LRRK1: variants seen among roughly 807,000 people sequenced by gnomAD.
The protein encoded by LRRK1 is leucine-rich repeat serine/threonine-protein kinase 1.
A neutral mutation model predicts 209.1 loss-of-function variants in LRRK1; 113 were observed. The observed-to-expected ratio is 0.54, with a 90% CI of 0.46 to 0.63. The LOEUF (loss-of-function observed/expected upper bound fraction) is 0.63. LRRK1 is among the 30% of genes least tolerant of loss of function. The probability of loss-of-function intolerance (pLI) is 0.00; values close to 1 mark genes in which losing one functional copy is unlikely to be tolerated. For missense variants in LRRK1, 2,284 were observed against 2,632.2 expected (o/e 0.87, Z 2.89); for synonymous variants, 1,144 against 1,099.7 (o/e 1.04, Z -0.80).
intron 17 of LRRK1, among the ~76,000 whole-genome samples, chr15:101,026,614 C>A (rs887899399): frequency 1.5e-4 from 23 of 152,214 alleles, no homozygotes; most frequent in African/African-American, 5.1e-4. Flanking sequence ...CAGATAAGTC[C>A]AATTGCCCTG....
At position 100,973,961 on chromosome 15, in the gene LRRK1, G is replaced by A. The variant is rs2031133786; in HGVS notation, c.255G>A (p.Leu85=). Residue 85 remains leucine, a synonymous_variant, in exon 3 of 34, where the codon CTG becomes CTA. Transcript: ENST00000388948. ...CCTGCGACCAGTGCGCGTCCCAGCT[G>A]GAAAAGGTAGGGGAGCGCCTGCCCC... The part of the protein sequence containing the change: ...EEACDQCASQ[L]EKGQLLSIPA... 3.2e-6 allele frequency: 4 copies of A among 1,250,124 alleles called. No homozygotes were observed. Among genetic ancestry groups the A allele is most frequent in the Admixed American group, 4.2e-5 (1 of 23,732 alleles). 77.4% of individuals were successfully genotyped at this position (1,250,124 alleles called of 1,614,324 possible).
chr15:100,962,565 C>A (rs1479111288), intron 2 of LRRK1, among the ~76,000 whole-genome samples: 1 of 151,396 alleles, frequency 6.6e-6, no homozygotes, highest in African/African-American at 2.4e-5. Context: ...AAACTCCAGT[C>A]ATTTCATCTG....
Position 101,026,276 on chromosome 15 carries a change from C to T in LRRK1, c.2405+139C>T, listed in dbSNP as rs141763416. 2.8e-3 allele frequency: 2,282 copies of T among 802,508 alleles called. 8 individuals carry two copies. The highest frequency in any genetic ancestry group is 3.7e-3 in the Non-Finnish European group (1,875 of 511,996). 49.7% of individuals were successfully genotyped at this position (802,508 alleles called of 1,614,324 possible). ...TGGCCAAGGGTGGCCATCCACAGAGCTGACCCAGCCTTGGGGAGGGTGAAG... is the reference window on the plus strand; with the variant it reads ...TGGCCAAGGGTGGCCATCCACAGAGTTGACCCAGCCTTGGGGAGGGTGAAG... On this transcript the variant is annotated intron_variant, in intron 17 of 33. Transcript: ENST00000388948.
chr15:100,921,037 A>C (rs2042012484), intron 1 of LRRK1, among the ~76,000 whole-genome samples: 1 of 151,954 alleles, frequency 6.6e-6, no homozygotes, highest in African/African-American at 2.4e-5. Context: ...GCTCCCTCTC[A>C]CATCCCTCAC....
chr15:101,002,172 C>T (rs2032726243), intron 6 of LRRK1, among the ~76,000 whole-genome samples: 1 of 152,184 alleles, frequency 6.6e-6, no homozygotes. Flanking sequence ...TGGGGCAATG[C>T]CTCATTCACT....
chr15:100,999,160 A>C (rs1180242175), intron 6 of LRRK1, among the ~76,000 whole-genome samples: 1 of 152,138 alleles, frequency 6.6e-6, no homozygotes, highest in Non-Finnish European at 1.5e-5. Flanking sequence ...TCCCTCTTTC[A>C]AATAGCTATT....
At chr15:100,994,841 G>A (rs1033072310) in intron 6 of LRRK1, among the ~76,000 whole-genome samples, 1 of 152,200 alleles carries the variant, frequency 6.6e-6, no homozygotes, top group Non-Finnish European at 1.5e-5. Context: ...TGGCAGAAGA[G>A]AACAGAGAGG....
chr15:101,031,999 G>T (rs1334780481), intron 20 of LRRK1, among the ~76,000 whole-genome samples: 1 of 152,216 alleles, frequency 6.6e-6, no homozygotes, highest in African/African-American at 2.4e-5. Context: ...CTCCCAAAGT[G>T]CTGGGATTAC....
At chr15:101,015,266 G>C (rs2141700739) in intron 11 of LRRK1, 60 bp from the exon 12 acceptor site, 1 of 1,369,572 alleles carries the variant, frequency 7.3e-7, no homozygotes, top group African/African-American at 1.4e-5. Context: ...TAACATCACA[G>C]CCAAAAGTAA....
At position 101,022,405 on chromosome 15, in the gene LRRK1, C is replaced by T; in HGVS notation, c.1875C>T (p.Tyr625=). 5 of 1,614,240 alleles carry T rather than the reference C, an allele frequency of 3.1e-6. No individual in the cohort carries two copies. Among genetic ancestry groups the T allele is most frequent in the Non-Finnish European group, 4.2e-6 (5 of 1,180,048 alleles). The change falls in exon 15 of 34, where the codon TAC becomes TAT. Residue 625 remains tyrosine, a synonymous_variant. Coordinates refer to ENST00000388948, the MANE Select transcript of LRRK1 (RefSeq NM_024652.6). This position sits in a 1 kb window ranked among gnomAD's most constrained non-coding sequence, Gnocchi z 4.0. ...CAGGCCCCAAAGCAATGCTGTCTTA[C>T]CTGCGTGCTCAGCTGCGGAAAGCGG... is the stretch of plus-strand genomic sequence containing the variant. ...QKEGPKAMLS[Y]LRAQLRKAEK...
intron 2 of LRRK1, among the ~76,000 whole-genome samples, chr15:100,952,388 T>C (rs933746368): frequency 6.6e-6 from 1 of 152,254 alleles, no homozygotes; most frequent in African/African-American, 2.4e-5. Context: ...TACTTCTGGG[T>C]TGTGAGCCAC....
intron 2 of LRRK1, among the ~76,000 whole-genome samples, chr15:100,941,446 C>G (rs865842525): frequency 4.8e-4 from 35 of 72,574 alleles, no homozygotes; most frequent in East Asian, 7.9e-4. Context: ...GTGTGTGTGT[C>G]TGTGTGTGTC....
chr15:101,077,208 C>G lies in LRRK1; in HGVS notation c.*8360C>G. On this transcript the variant is annotated 3_prime_UTR_variant, in exon 34 of 34. Transcript: ENST00000388948. ...CATTTGAGCTCCTGTATAGACGCTCCTTTTTATTAGGCCCCAGTCTCATTC... is the reference window on the plus strand; with the variant it reads ...CATTTGAGCTCCTGTATAGACGCTCGTTTTTATTAGGCCCCAGTCTCATTC... 1 of 152,246 alleles carries G rather than the reference C, an allele frequency of 6.6e-6. No individual in the cohort carries two copies. The highest frequency in any genetic ancestry group is 1.5e-5 in the Non-Finnish European group (1 of 68,046). 9.4% of individuals were successfully genotyped at this position (152,246 alleles called of 1,614,324 possible).
chr15:100,950,899 C>A (rs11247243), intron 2 of LRRK1, among the ~76,000 whole-genome samples: 2 of 151,276 alleles, frequency 1.3e-5, no homozygotes, highest in Admixed American at 6.6e-5. Context: ...GTCAGGAGAT[C>A]GAGACCATCC....
rs2034167749 is a variant in LRRK1, at chr15:101,029,111, G to A, written c.2842G>A (p.Val948Met). ...CTCTCGGTCAGTGGCCAAGAATGGG[G>A]TGATCAGAGCAGAAGACCTCAGGAT... ...KGSRSVAKNG[V>M]IRAEDLRMLL... The change falls in exon 20 of 34, where the codon GTG becomes ATG. Residue 948 changes from valine (V) to methionine (M), a missense_variant. By Grantham distance (21) the Val-to-Met change is conservative. Around this residue, in one of 6 missense-constraint regions of LRRK1, gnomAD observed 780 missense variants for 985.2 expected, o/e 0.79. Transcript: ENST00000388948. The A allele has an allele frequency of 4.3e-6, 7 of 1,614,108 alleles. No individual in the cohort carries two copies. The East Asian group carries it at 1.6e-4, about 36-fold the overall frequency.
chr15:100,960,470 A>G (rs1417791553), intron 2 of LRRK1, among the ~76,000 whole-genome samples: 2 of 152,262 alleles, frequency 1.3e-5, no homozygotes, highest in African/African-American at 2.4e-5. Context: ...ACCATTTTCT[A>G]TAGTATTACT....
intron 2 of LRRK1, among the ~76,000 whole-genome samples, chr15:100,968,150 C>T (rs1567205824): frequency 6.6e-6 from 1 of 152,146 alleles, no homozygotes; most frequent in Non-Finnish European, 1.5e-5. Context: ...TTTCACTCAG[C>T]ATTATTTTTT....
intron 20 of LRRK1, among the ~76,000 whole-genome samples, chr15:101,042,342 C>T (rs1009496457): frequency 1.3e-5 from 2 of 152,146 alleles, no homozygotes; most frequent in Non-Finnish European, 2.9e-5. Context: ...AAAGGTGTCA[C>T]CCCATTGTCT....
chr15:100,968,744 CT>C (rs2030654112), intron 2 of LRRK1, among the ~76,000 whole-genome samples: 2 of 143,868 alleles, frequency 1.4e-5, no homozygotes, highest in African/African-American at 5.2e-5. Context: ...TTCCCTTTTC[CT>C]TTCTTTCTTT....
Sources: allele counts gnomAD v4.1 joint callset (sites outside exome capture counted in the v4.1 genomes callset), GRCh38; gene constraint gnomAD v4.1.1; regional missense constraint gnomAD v4.1.1; non-coding constraint Gnocchi (gnomAD v3.1); transcripts MANE v1.5; gene names NCBI Gene and HGNC (gene_info 2026-07-23, HGNC 2026-07-21).